OCIAD1: variants seen among roughly 807,000 people sequenced by gnomAD.
The protein encoded by OCIAD1 is OCIA domain-containing protein 1.
Under a neutral mutation model 38.9 loss-of-function variants are expected in OCIAD1, and 29 were observed. The observed-to-expected ratio is 0.74, with a 90% CI of 0.55 to 1.02. OCIAD1 has a LOEUF of 1.02. OCIAD1 is among the 50% of genes least tolerant of loss of function. The pLI, the probability that OCIAD1 is intolerant of heterozygous loss-of-function variation, is 0.00. For missense variants in OCIAD1, 288 were observed against 289.6 expected, an observed-to-expected ratio of 0.99 and a Z score of 0.04; for synonymous variants, 110 against 92.0, an observed-to-expected ratio of 1.20 and a Z score of -1.12.
Position 48,851,794 on chromosome 4 carries a change from T to A in OCIAD1, c.378-12T>A, listed in dbSNP as rs758169909. The A allele has an allele frequency of 6.5e-7, 1 of 1,528,026 alleles. No individual in the cohort carries two copies. The highest frequency in any genetic ancestry group is 1.7e-5 in the Admixed American group (1 of 59,284). 94.7% of individuals were successfully genotyped at this position (1,528,026 alleles called of 1,614,324 possible). A position where few individuals can be genotyped will look rare whatever the true frequency, so the allele number is the denominator to read the frequency against. On this transcript the variant is annotated splice_polypyrimidine_tract_variant and intron_variant, in intron 6 of 8. Transcript: ENST00000264312. ...CTCATATTTCTTACTACAATATGAT[T>A]TTCATTTACAGGCACTATTATCAAA...
At chr4:48,816,807 C>G (rs558068639) in intron 1 of OCIAD1, among the ~76,000 whole-genome samples, 16 of 149,922 alleles carry the variant, frequency 1.1e-4, no homozygotes, top group Non-Finnish European at 1.9e-4. Context: ...CCTGTCTCTA[C>G]TAAAAATACA....
chr4:48,836,773 T>C (rs1778022912), intron 3 of OCIAD1, among the ~76,000 whole-genome samples: 1 of 152,190 alleles, frequency 6.6e-6, no homozygotes. Context: ...GACTTGCAGG[T>C]ATTTCAAGCT....
At chr4:48,819,740 A>AAAAAAAAAAAAAAAAAAAAAAAAAG (rs1381189214) in intron 1 of OCIAD1, among the ~76,000 whole-genome samples, 1 of 145,454 alleles carries the variant, frequency 6.9e-6, no homozygotes, top group Admixed American at 7.0e-5. Flanking sequence ...AAAAAAAAAA[A>AAAAAAAAAAAAAAAAAAAAAAAAAG]AAAAGGAGGG....
intron 3 of OCIAD1, among the ~76,000 whole-genome samples, chr4:48,837,536 C>T (rs551097906): frequency 6.6e-6 from 1 of 152,112 alleles, no homozygotes; most frequent in East Asian, 1.9e-4. Context: ...TGTGATCTGC[C>T]CACCTCGGCC....
intron 8 of OCIAD1, 63 bp from the exon 9 acceptor site, chr4:48,860,662 T>G: frequency 1.6e-6 from 2 of 1,221,446 alleles, no homozygotes; most frequent in Non-Finnish European, 2.4e-6. Context: ...AGCAACAAAC[T>G]TAAAATAATG....
intron 8 of OCIAD1, among the ~76,000 whole-genome samples, chr4:48,858,406 G>A (rs1780292836): frequency 6.6e-6 from 1 of 152,094 alleles, no homozygotes; most frequent in Non-Finnish European, 1.5e-5. Flanking sequence ...TGAGTAATGA[G>A]ATTGATTTTC....
chr4:48,842,576 G>T, intron 3 of OCIAD1, 60 bp from the exon 4 acceptor site: 2 of 1,076,854 alleles, frequency 1.9e-6, no homozygotes, highest in South Asian at 1.4e-5. Flanking sequence ...TTTATCTAAT[G>T]AACTTTAGAC....
chr4:48,806,056 C>A (rs1317751618), intron 1 of OCIAD1, among the ~76,000 whole-genome samples: 1 of 152,178 alleles, frequency 6.6e-6, no homozygotes, highest in East Asian at 1.9e-4. Flanking sequence ...CACCTGAGGT[C>A]AGGAGTTTAA....
At chr4:48,859,675 G>A (rs551284744) in intron 8 of OCIAD1, among the ~76,000 whole-genome samples, 27 of 152,152 alleles carry the variant, frequency 1.8e-4, no homozygotes, top group African/African-American at 6.3e-4. Flanking sequence ...ATAATTTAAA[G>A]AAAAGACTTG....
intron 1 of OCIAD1, among the ~76,000 whole-genome samples, chr4:48,820,942 C>A (rs574691506): frequency 2.0e-5 from 3 of 152,086 alleles, no homozygotes; most frequent in African/African-American, 4.8e-5. Context: ...CAGGACCAGA[C>A]GAATTCACAG....
At chr4:48,823,778 T>G (rs916630446) in intron 1 of OCIAD1, among the ~76,000 whole-genome samples, 1 of 149,944 alleles carries the variant, frequency 6.7e-6, no homozygotes, top group African/African-American at 2.5e-5. Context: ...TCCTCTTGCT[T>G]CATGCTCTAG....
At chr4:48,811,771 G>A (rs930784936) in intron 1 of OCIAD1, among the ~76,000 whole-genome samples, 1 of 152,176 alleles carries the variant, frequency 6.6e-6, no homozygotes, top group East Asian at 1.9e-4. Context: ...AGTCAAGGAT[G>A]CCTCCACAGA....
chr4:48,851,764 A>G, intron 6 of OCIAD1, 42 bp from the exon 7 acceptor site: 1 of 1,147,288 alleles, frequency 8.7e-7, no homozygotes, highest in Non-Finnish European at 1.3e-6. Context: ...AGATATAGGC[A>G]ATGACTCATA....
chr4:48,840,837 A>AC (rs1376506881), intron 3 of OCIAD1, among the ~76,000 whole-genome samples: 1 of 150,976 alleles, frequency 6.6e-6, no homozygotes, highest in Non-Finnish European at 1.5e-5. Context: ...TCTCTACAAA[A>AC]AAAAAAAAAA....
chr4:48,809,082 A>C (rs2109485542), intron 1 of OCIAD1, among the ~76,000 whole-genome samples: 1 of 152,348 alleles, frequency 6.6e-6, no homozygotes, highest in East Asian at 1.9e-4. Flanking sequence ...TTACTAAAAC[A>C]GCCTTAGTTA....
At chr4:48,827,852 G>A (rs1313247797), upstream of OCIAD1, among the ~76,000 whole-genome samples, 2 of 152,206 alleles carry the variant, frequency 1.3e-5, no homozygotes, top group Non-Finnish European at 1.5e-5. Context: ...CTCCAGAGTT[G>A]GGTGGGGACT....
intron 7 of OCIAD1, 49 bp downstream of exon 7, chr4:48,852,024 T>C: frequency 7.0e-7 from 1 of 1,424,772 alleles, no homozygotes; most frequent in South Asian, 1.3e-5. Context: ...GTCCAACGTA[T>C]GTATAAACTT....
At chr4:48,813,657 A>T (rs1359987514) in intron 1 of OCIAD1, among the ~76,000 whole-genome samples, 1 of 152,216 alleles carries the variant, frequency 6.6e-6, no homozygotes, top group Non-Finnish European at 1.5e-5. Context: ...CCCTGTCCCA[A>T]AGGGGAAACA....
At chr4:48,830,768 A>C (rs1378682282), upstream of OCIAD1, 1 of 152,272 alleles carries the variant, frequency 6.6e-6, no homozygotes, top group East Asian at 1.9e-4. Flanking sequence ...AGTCGCTCTC[A>C]AAAGAGGGAC....
Sources: allele counts gnomAD v4.1 joint callset (sites outside exome capture counted in the v4.1 genomes callset), GRCh38; gene constraint gnomAD v4.1.1; transcripts MANE v1.5; gene names NCBI Gene and HGNC (gene_info 2026-07-23, HGNC 2026-07-21).